The following PCNX1 variants were observed in gnomAD, a reference collection of about 807,000 sequenced individuals.
PCNX1 encodes pecanex-like protein 1.
A neutral mutation model predicts 242.2 loss-of-function variants in PCNX1; 78 were observed. The observed-to-expected ratio is 0.32, with a 90% CI of 0.27 to 0.39. The LOEUF is 0.39. PCNX1 is among the 10% of genes least tolerant of loss of function. The pLI, the probability that PCNX1 is intolerant of heterozygous loss-of-function variation, is 1.00. For missense variants in PCNX1, 2,581 were observed against 2,856.5 expected, an observed-to-expected ratio of 0.90 and a Z score of 2.20; for synonymous variants, 1,024 against 1,032.9, an observed-to-expected ratio of 0.99 and a Z score of 0.17.
chr14:71,074,071 A>G (rs140704121), intron 27 of PCNX1, among the ~76,000 whole-genome samples: 308 of 152,348 alleles, frequency 2.0e-3, no homozygotes, highest in Admixed American at 3.9e-3. Context: ...AGGAATATGT[A>G]CACACAAATA....
At chr14:70,943,114 G>A (rs907548853) in intron 1 of PCNX1, among the ~76,000 whole-genome samples, 70 of 152,248 alleles carry the variant, frequency 4.6e-4, no homozygotes, top group Admixed American at 1.6e-3. Context: ...ACCCAGTCTC[G>A]GGTATTTCTT....
chr14:70,983,293 A>G (rs1228322231), intron 6 of PCNX1, among the ~76,000 whole-genome samples: 1 of 152,116 alleles, frequency 6.6e-6, no homozygotes, highest in Non-Finnish European at 1.5e-5. Flanking sequence ...TCTTTAACGC[A>G]AAGCTCAGCT....
At chr14:70,983,531 C>T (rs977980356) in intron 6 of PCNX1, among the ~76,000 whole-genome samples, 1 of 152,188 alleles carries the variant, frequency 6.6e-6, no homozygotes, top group Non-Finnish European at 1.5e-5. Context: ...TCTCGAACTC[C>T]TGACCTTGTG....
intron 1 of PCNX1, among the ~76,000 whole-genome samples, chr14:70,942,064 A>G (rs955188178): frequency 3.3e-5 from 5 of 151,836 alleles, no homozygotes; most frequent in Non-Finnish European, 5.9e-5. Flanking sequence ...GAATTCTCCA[A>G]CCCCTTGCAC....
In PCNX1 at chr14:71,114,459, CAG is replaced by C. The variant is rs1309288602; in HGVS notation, c.*4527_*4528del. On this transcript the variant is annotated 3_prime_UTR_variant, in exon 36 of 36. Coordinates refer to ENST00000304743, the MANE Select transcript of PCNX1 (RefSeq NM_014982.3). The stretch of plus-strand genomic sequence containing the variant: ...TATTTTCTACTTTGAATCACCTCAC[CAG>C]AGTCATCTGTCAAGAATTATGTATA... 1 of 152,284 alleles carries C rather than the reference CAG, an allele frequency of 6.6e-6. No homozygotes were observed. Among genetic ancestry groups the C allele is most frequent in the African/African-American group, 2.4e-5 (1 of 41,426 alleles). 9.4% of individuals were successfully genotyped at this position (152,284 alleles called of 1,614,324 possible). A position where few individuals can be genotyped will look rare whatever the true frequency, so the allele number is the denominator to read the frequency against.
At chr14:71,041,354 T>A (rs2141041811) in intron 19 of PCNX1, among the ~76,000 whole-genome samples, 1 of 152,298 alleles carries the variant, frequency 6.6e-6, no homozygotes, top group Non-Finnish European at 1.5e-5. Context: ...TGGGTGACTT[T>A]TTATTATGGC....
chr14:70,962,117 A>G, intron 2 of PCNX1, 109 bp from the exon 3 acceptor site: 1 of 698,782 alleles, frequency 1.4e-6, no homozygotes, highest in Non-Finnish European at 2.5e-6. Context: ...ATTAAAAATC[A>G]GAACCTCTTA....
In PCNX1 at chr14:70,978,058, C is replaced by T. The variant is rs1451994918; in HGVS notation, c.1721C>T (p.Ser574Leu). The T allele has an allele frequency of 8.7e-6, 14 of 1,614,118 alleles. No individual in the cohort carries two copies. The highest frequency in any genetic ancestry group is 1.2e-5 in the Non-Finnish European group (14 of 1,180,030). ...AAAAAACGGGCTAGCAGTTTTGATT[C>T]AAGCCGGCATAGGGACTATGTTTGC... ...TGKKRASSFDSSRHRDYVCFR... is the reference protein window; with the variant it reads ...TGKKRASSFDLSRHRDYVCFR... The change falls in exon 6 of 36, where the codon TCA (serine) becomes TTA (leucine). Residue 574 changes from serine to leucine, a missense_variant. By Grantham distance (145) the Ser-to-Leu change is moderately radical. Around this residue, in one of 9 missense-constraint regions of PCNX1, gnomAD observed 1,204 missense variants for 1,216.7 expected, o/e 0.99. Coordinates refer to ENST00000304743, the MANE Select transcript of PCNX1 (RefSeq NM_014982.3).
rs905576250 is a variant in PCNX1 at position 71,112,918 on chromosome 14, C to T, written c.*2983C>T. ...GAGTTATAAATTATTGCCTTTTTTT[C>T]CTTTATTTCTTTCATTCAGTGGCAA... On this transcript the variant is annotated 3_prime_UTR_variant, in exon 36 of 36. Coordinates refer to ENST00000304743, the MANE Select transcript of PCNX1 (RefSeq NM_014982.3). The T allele has an allele frequency of 3.9e-5, 6 of 152,014 alleles. No homozygotes were observed. The highest frequency in any genetic ancestry group is 2.0e-4 in the Admixed American group (3 of 15,276). 9.4% of individuals were successfully genotyped at this position (152,014 alleles called of 1,614,324 possible). A position where few individuals can be genotyped will look rare whatever the true frequency, so the allele number is the denominator to read the frequency against.
chr14:70,996,075 A>G (rs2059342668), intron 8 of PCNX1, 150 bp downstream of exon 8: 1 of 611,240 alleles, frequency 1.6e-6, no homozygotes, highest in South Asian at 2.2e-5. Flanking sequence ...TGTTAGGAAA[A>G]TGTGACTTTT....
intron 25 of PCNX1, among the ~76,000 whole-genome samples, chr14:71,055,862 A>ATG (rs1384997448): frequency 6.6e-6 from 1 of 152,188 alleles, no homozygotes; most frequent in African/African-American, 2.4e-5. Context: ...AACTGGTCAG[A>ATG]TGTTTGAAGG....
At position 71,023,192 on chromosome 14, in the gene PCNX1, AT is replaced by A; in HGVS notation, c.3151-3del. 1 of 1,606,488 alleles carries A rather than the reference AT, an allele frequency of 6.2e-7. No individual in the cohort carries two copies. The highest frequency in any genetic ancestry group is 8.5e-7 in the Non-Finnish European group (1 of 1,173,606). The stretch of plus-strand genomic sequence containing the variant: ...GGAGTGTAATTTGTCTTTCTGTTTC[AT>A]TTTTAGAGTGTTCAACCAGATTCTT... On this transcript the variant is annotated splice_region_variant and splice_polypyrimidine_tract_variant and intron_variant, in intron 12 of 35. Coordinates refer to ENST00000304743, the MANE Select transcript of PCNX1 (RefSeq NM_014982.3).
chr14:71,016,592 A>T (rs2059967485), intron 11 of PCNX1, among the ~76,000 whole-genome samples: 1 of 152,216 alleles, frequency 6.6e-6, no homozygotes, highest in Non-Finnish European at 1.5e-5. Context: ...ACCTTGGAAA[A>T]TTCCCAAATA....
rs114675899 is a variant in PCNX1, at chr14:71,008,843, G to A, written c.2630-791G>A. Among the ~76,000 whole-genome samples, 1,385 of 151,824 alleles carry A rather than the reference G, an allele frequency of 9.1e-3. 11 individuals carry two copies. The highest frequency in any genetic ancestry group is 0.032 in the African/African-American group (1,308 of 41,386). On this transcript the variant is annotated intron_variant, in intron 8 of 35. Transcript: ENST00000304743. Reference sequence around the variant, plus strand: ...TAATTTATGCTCCCTTTTCATCACCGATATGGCTACCATAGATCCTCAAAG... The same window carrying A: ...TAATTTATGCTCCCTTTTCATCACCAATATGGCTACCATAGATCCTCAAAG...
chr14:71,011,292 C>A (rs570345484), intron 9 of PCNX1, among the ~76,000 whole-genome samples, 200 bp from the exon 10 acceptor site: 10 of 152,228 alleles, frequency 6.6e-5, no homozygotes, highest in African/African-American at 2.2e-4. Flanking sequence ...GTAACTTGTC[C>A]AAGATCTCAT....
chr14:70,956,880 A>C (rs1377363650), intron 2 of PCNX1, among the ~76,000 whole-genome samples: 2 of 152,156 alleles, frequency 1.3e-5, no homozygotes, highest in East Asian at 3.8e-4. Context: ...TAATAACTGT[A>C]AGAGGAGAAT....
intron 34 of PCNX1, 136 bp from the exon 35 acceptor site, chr14:71,109,316 C>CT: frequency 1.2e-6 from 1 of 864,002 alleles, no homozygotes; most frequent in Non-Finnish European, 1.8e-6. Context: ...AGATGTAGCT[C>CT]TTAAGATTTT....
chr14:71,008,655 C>CAAAAAA (rs777494885), intron 8 of PCNX1, among the ~76,000 whole-genome samples: 3 of 32,750 alleles, frequency 9.2e-5, no homozygotes, highest in Admixed American at 3.5e-4. Flanking sequence ...GACTCTGTCT[C>CAAAAAA]AAAAAAAAAA....
In PCNX1 at chr14:71,111,408, G is replaced by A. The variant is rs115089997; in HGVS notation, c.*1473G>A. On this transcript the variant is annotated 3_prime_UTR_variant, in exon 36 of 36. Transcript: ENST00000304743. ...GTGAATAAATCATTGAAAGAAACAGGTAAAATTAATTTTAATGATACATTT... is the reference window on the plus strand; with the variant it reads ...GTGAATAAATCATTGAAAGAAACAGATAAAATTAATTTTAATGATACATTT... The A allele has an allele frequency of 8.6e-3, 1,306 of 152,614 alleles. 8 individuals carry two copies. The highest frequency in any genetic ancestry group is 0.017 in the South Asian group (81 of 4,828). The allele number at this position is 152,614 out of a possible 1,614,324, so 9.5% of individuals were successfully genotyped here. A position where few individuals can be genotyped will look rare whatever the true frequency, so the allele number is the denominator to read the frequency against.
Sources: allele counts gnomAD v4.1 joint callset (sites outside exome capture counted in the v4.1 genomes callset), GRCh38; gene constraint gnomAD v4.1.1; regional missense constraint gnomAD v4.1.1; transcripts MANE v1.5; gene names NCBI Gene and HGNC (gene_info 2026-07-23, HGNC 2026-07-21).